PRRX2: variants seen among roughly 807,000 people sequenced by gnomAD.
PRRX2 encodes the protein paired related homeobox 2, also known as paired mesoderm homeobox protein 2.
In PRRX2, 11 loss-of-function variants were observed where a neutral mutation model predicts 18.0. The observed-to-expected ratio is 0.61, with a 90% CI of 0.39 to 1.01. The LOEUF is 1.01. Ranked by LOEUF, PRRX2 falls within the 50% of genes least tolerant of loss-of-function variation. The probability of loss-of-function intolerance (pLI) is 0.01; values close to 1 mark genes in which losing one functional copy is unlikely to be tolerated. For missense variants in PRRX2, 387 were observed against 351.0 expected (o/e 1.10, Z -0.82); for synonymous variants, 177 against 154.8 (o/e 1.14, Z -1.06).
intron 1 of PRRX2, among the ~76,000 whole-genome samples, chr9:129,667,873 C>T (rs1832046856): frequency 6.6e-6 from 1 of 152,170 alleles, no homozygotes; most frequent in African/African-American, 2.4e-5. Flanking sequence ...CAGCAGCTCC[C>T]TGGGGCTAGC....
intron 1 of PRRX2, among the ~76,000 whole-genome samples, chr9:129,697,222 C>T (rs1021476504): frequency 6.6e-6 from 1 of 152,160 alleles, no homozygotes; most frequent in African/African-American, 2.4e-5. Flanking sequence ...GGCTCCCACC[C>T]GGGACCTGCC....
At chr9:129,676,599 T>C (rs1212142307) in intron 1 of PRRX2, among the ~76,000 whole-genome samples, 1 of 152,198 alleles carries the variant, frequency 6.6e-6, no homozygotes, top group Non-Finnish European at 1.5e-5. Flanking sequence ...GAAGTGGGTC[T>C]GAACCGGCCC....
intron 1 of PRRX2, among the ~76,000 whole-genome samples, chr9:129,710,136 AG>A (rs1832601426): frequency 6.6e-6 from 1 of 152,130 alleles, no homozygotes; most frequent in Admixed American, 6.5e-5. Flanking sequence ...GAGACCTGAA[AG>A]TGAGCAAGAG....
intron 1 of PRRX2, among the ~76,000 whole-genome samples, chr9:129,677,449 C>T (rs188474734): frequency 1.3e-5 from 2 of 152,356 alleles, no homozygotes; most frequent in African/African-American, 4.8e-5. Flanking sequence ...TAGAAGCAGC[C>T]TAGGCTCTGC....
intron 1 of PRRX2, among the ~76,000 whole-genome samples, chr9:129,668,635 G>A (rs932548546): frequency 1.3e-5 from 2 of 151,666 alleles, no homozygotes; most frequent in Admixed American, 1.3e-4. Flanking sequence ...AAATTAGCCG[G>A]GTGTGGTGGT....
At chr9:129,681,699 A>G (rs1276877381) in intron 1 of PRRX2, among the ~76,000 whole-genome samples, 1 of 121,384 alleles carries the variant, frequency 8.2e-6, no homozygotes, top group Non-Finnish European at 1.7e-5. Flanking sequence ...TCCACCCCCC[A>G]AAACCAGAAC....
At chr9:129,684,427 AAC>A (rs72324782) in intron 1 of PRRX2, among the ~76,000 whole-genome samples, 38,391 of 82,772 alleles carry the variant, frequency 0.46, 6,046 homozygotes, top group South Asian at 0.55. Flanking sequence ...ACACAGATAC[AAC>A]ACACACACAC....
intron 1 of PRRX2, among the ~76,000 whole-genome samples, chr9:129,680,154 C>T (rs1464781384): frequency 1.3e-5 from 2 of 152,058 alleles, no homozygotes; most frequent in Non-Finnish European, 2.9e-5. Context: ...GTAATCTCAG[C>T]ACTTTGGGAG....
intron 1 of PRRX2, among the ~76,000 whole-genome samples, chr9:129,674,192 C>CT (rs1832136835): frequency 6.6e-6 from 1 of 152,200 alleles, no homozygotes; most frequent in Admixed American, 6.5e-5. Context: ...CTGCCCTGCT[C>CT]TGTGTCCCTT....
intron 2 of PRRX2, among the ~76,000 whole-genome samples, chr9:129,720,052 G>A (rs1276458282): frequency 1.3e-5 from 2 of 151,478 alleles, no homozygotes; most frequent in Non-Finnish European, 2.9e-5. Flanking sequence ...ACAATGCCTG[G>A]CACCAAGGGT....
chr9:129,718,613 A>T (rs1832744986), intron 1 of PRRX2: 1 of 152,212 alleles, frequency 6.6e-6, no homozygotes, highest in African/African-American at 2.4e-5. Context: ...CAATGACTCC[A>T]CTGGGACCTT....
At position 129,674,277 on chromosome 9, in the gene PRRX2, G is replaced by A. The variant is rs1037172043; in HGVS notation, c.259+8151G>A. 4.6e-5 allele frequency among the ~76,000 whole-genome samples: 7 copies of A among 152,250 alleles called. No individual in the cohort carries two copies. In the East Asian group the frequency reaches 1.4e-3, roughly 29 times the overall value. On this transcript the variant is annotated intron_variant, in intron 1 of 3. Transcript: ENST00000372469. ...AGATGACAGAATGGGTCCCCATGGC[G>A]CCCTTGATGGCTAATGATATCTTTC...
At position 129,722,534 on chromosome 9, in the gene PRRX2, C is replaced by T. The variant is rs1220835065; in HGVS notation, c.*182C>T. ...CGGGCCCAGCTCTTCTGTCCTTGGCCACCAGAGACTGCAGCCCACAACCCT... is the reference window on the plus strand; with the variant it reads ...CGGGCCCAGCTCTTCTGTCCTTGGCTACCAGAGACTGCAGCCCACAACCCT... On this transcript the variant is annotated 3_prime_UTR_variant, in exon 4 of 4. Coordinates refer to ENST00000372469, the MANE Select transcript of PRRX2 (RefSeq NM_016307.4). 3.5e-6 allele frequency: 2 copies of T among 576,716 alleles called. No individual in the cohort carries two copies. Among genetic ancestry groups the T allele is most frequent in the Non-Finnish European group, 5.1e-6 (2 of 390,266 alleles). The allele number at this position is 576,716 out of a possible 1,614,324, so 35.7% of individuals were successfully genotyped here. A position where few individuals can be genotyped will look rare whatever the true frequency, so the allele number is the denominator to read the frequency against.
intron 1 of PRRX2, among the ~76,000 whole-genome samples, chr9:129,694,222 G>A (rs1261347803): frequency 6.6e-6 from 1 of 152,166 alleles, no homozygotes; most frequent in African/African-American, 2.4e-5. Flanking sequence ...GAGTGCGGTG[G>A]CCTGATCCTG....
In PRRX2 at chr9:129,720,627, G is replaced by A. The variant is rs1178504612; in HGVS notation, c.479G>A (p.Arg160His). 6 of 1,612,440 alleles carry A rather than the reference G, an allele frequency of 3.7e-6. No homozygotes were observed. The highest frequency in any genetic ancestry group is 2.2e-5 in the East Asian group (1 of 44,826). ...TTTCAGAACCGCCGCGCCAAGTTCC[G>A]CAGGAATGAAAGGGCCATGCTGGCC... ...VWFQNRRAKF[R>H]RNERAMLASR... Residue 160 changes from arginine to histidine, a missense_variant, in exon 3 of 4, where the codon CGC (arginine) becomes CAC (histidine). Arg to His is a conservative substitution (Grantham distance 29). Coordinates refer to ENST00000372469, the MANE Select transcript of PRRX2 (RefSeq NM_016307.4).
In PRRX2 at chr9:129,675,327, T is replaced by C. The variant is rs534265743; in HGVS notation, c.259+9201T>C. Among the ~76,000 whole-genome samples the C allele has an allele frequency of 6.6e-6, 1 of 152,230 alleles. No individual in the cohort carries two copies. Among genetic ancestry groups the C allele is most frequent in the East Asian group, 1.9e-4 (1 of 5,178 alleles). The stretch of plus-strand genomic sequence containing the variant: ...ACCAGCCCAAGGCAGCCCAGGGGCG[T>C]GGAATGCAGGGGTGATGTGATAGGG... On this transcript the variant is annotated intron_variant, in intron 1 of 3. Coordinates refer to ENST00000372469, the MANE Select transcript of PRRX2 (RefSeq NM_016307.4). The surrounding 1 kb of genome is among the most constrained non-coding windows in gnomAD (Gnocchi z 4.4).
chr9:129,720,349 C>T (rs146256841), intron 2 of PRRX2, among the ~76,000 whole-genome samples: 1 of 152,346 alleles, frequency 6.6e-6, no homozygotes, highest in African/African-American at 2.4e-5. Context: ...GGCCGAGTGC[C>T]TCTCCATTCG....
intron 1 of PRRX2, among the ~76,000 whole-genome samples, chr9:129,698,352 C>T (rs988466853): frequency 2.7e-5 from 4 of 150,634 alleles, no homozygotes; most frequent in Non-Finnish European, 4.4e-5. Flanking sequence ...CCAGGCCGGG[C>T]TGGGCCAGGC....
intron 1 of PRRX2, among the ~76,000 whole-genome samples, chr9:129,702,194 G>A (rs1047631895): frequency 5.9e-5 from 9 of 152,016 alleles, no homozygotes; most frequent in African/African-American, 1.2e-4. Context: ...TCAGGAGATC[G>A]AGAACATCCT....
Sources: gnomAD v4.1 joint callset for allele counts (sites outside exome capture counted in the v4.1 genomes callset) on GRCh38, gnomAD v4.1.1 for gene constraint, Gnocchi (gnomAD v3.1) non-coding constraint, MANE v1.5 for transcripts, NCBI Gene and HGNC (gene_info 2026-07-23, HGNC 2026-07-21) for gene names.